Variants in CWF19L2 observed in about 807,000 individuals in gnomAD.
CWF19L2 encodes the protein CWF19-like protein 2.
A neutral mutation model predicts 111.7 loss-of-function variants in CWF19L2; 98 were observed. The observed-to-expected ratio is 0.88, with a 90% CI of 0.75 to 1.04. CWF19L2 has a LOEUF of 1.04. CWF19L2 is among the 50% of genes least tolerant of loss of function. CWF19L2 has a pLI of 0.00. For missense variants in CWF19L2, 1,101 were observed against 1,051.4 expected (o/e 1.05, Z -0.65); for synonymous variants, 351 against 342.9 (o/e 1.02, Z -0.26).
At chr11:107,387,457 C>CAAAAAAAAAAAAA (rs200491333) in intron 12 of CWF19L2, among the ~76,000 whole-genome samples, 1 of 58,052 alleles carries the variant, frequency 1.7e-5, no homozygotes, top group African/African-American at 9.8e-5. Context: ...CAAAACAAAA[C>CAAAAAAAAAAAAA]AAAACAAAAC....
At chr11:107,362,067 G>A (rs1041929748) in intron 12 of CWF19L2, among the ~76,000 whole-genome samples, 10 of 152,226 alleles carry the variant, frequency 6.6e-5, no homozygotes, top group Non-Finnish European at 1.3e-4. Flanking sequence ...GGTGACGGAC[G>A]CACCTGGAAA....
intron 10 of CWF19L2, among the ~76,000 whole-genome samples, chr11:107,409,893 A>G (rs1253885236): frequency 2.0e-5 from 3 of 152,172 alleles, no homozygotes; most frequent in African/African-American, 7.2e-5. Flanking sequence ...GTATTTCAGT[A>G]TGTCTTGGTC....
At chr11:107,350,705 T>C (rs192610391) in intron 13 of CWF19L2, among the ~76,000 whole-genome samples, 390 of 151,850 alleles carry the variant, frequency 2.6e-3, no homozygotes, top group Middle Eastern at 6.8e-3. Flanking sequence ...TAAAGTAAAA[T>C]GCACAATATG....
intron 14 of CWF19L2, among the ~76,000 whole-genome samples, chr11:107,338,417 A>ACTTTAAGTTCTAGGATACATGTG (rs1859958760): frequency 6.6e-6 from 1 of 151,508 alleles, no homozygotes; most frequent in African/African-American, 2.4e-5. Flanking sequence ...TTCAACTGTT[A>ACTTTAAGTTCTAGGATACATGTG]CTTTAAGTTC....
In CWF19L2 at chr11:107,455,825, G is replaced by A. The variant is rs914960623; in HGVS notation, c.106-49C>T. On this transcript the variant is annotated intron_variant, in intron 1 of 17. Transcript: ENST00000282251. ...ACAAACTGGCAATTGACCCAACTGG[G>A]TTTCACAAAAAAAGGAAAACAAAAA... The A allele has an allele frequency of 1.7e-5, 20 of 1,169,030 alleles. No individual in the cohort carries two copies. The East Asian group carries it at 4.4e-4, about 26-fold the overall frequency. The allele number at this position is 1,169,030 out of a possible 1,614,324, so 72.4% of individuals were successfully genotyped here.
chr11:107,361,604 T>A (rs1389442272), intron 12 of CWF19L2, among the ~76,000 whole-genome samples: 1 of 152,244 alleles, frequency 6.6e-6, no homozygotes, highest in East Asian at 1.9e-4. Context: ...TTCTGGTCCA[T>A]GAGAATGGGA....
At chr11:107,452,285 CTT>C (rs914178739) in intron 3 of CWF19L2, among the ~76,000 whole-genome samples, 2 of 151,390 alleles carry the variant, frequency 1.3e-5, no homozygotes, top group Non-Finnish European at 3.0e-5. Context: ...TCACTTTTTT[CTT>C]TTTTTTCTGA....
intron 6 of CWF19L2, 55 bp downstream of exon 6, chr11:107,439,035 G>GATA: frequency 6.9e-6 from 2 of 288,602 alleles, no homozygotes; most frequent in Non-Finnish European, 1.1e-5. Context: ...ACTCTGTCTC[G>GATA]AAAAAAAAAA....
chr11:107,335,041 A>C (rs1018057525), intron 15 of CWF19L2, 80 bp from the exon 16 acceptor site: 13 of 838,894 alleles, frequency 1.5e-5, no homozygotes, highest in Non-Finnish European at 2.6e-5. Context: ...GTAATATAGC[A>C]AATTAATTAT....
At chr11:107,378,204 T>C (rs919282714) in intron 12 of CWF19L2, among the ~76,000 whole-genome samples, 46 of 149,748 alleles carry the variant, frequency 3.1e-4, no homozygotes, top group African/African-American at 1.1e-3. Flanking sequence ...TGGAAGTCAG[T>C]GTGGCGATTC....
At chr11:107,406,684 C>CT (rs548040686) in intron 10 of CWF19L2, among the ~76,000 whole-genome samples, 4,339 of 140,532 alleles carry the variant, frequency 0.031, 100 homozygotes, top group African/African-American at 0.07. Context: ...TTGTGTTTTC[C>CT]TTTTTTTTTT....
At chr11:107,426,301 AACTAC>A (rs1181255683) in intron 8 of CWF19L2, among the ~76,000 whole-genome samples, 1 of 151,902 alleles carries the variant, frequency 6.6e-6, no homozygotes, top group Non-Finnish European at 1.5e-5. Context: ...TCTGTTTCTC[AACTAC>A]ACATATGGCA....
intron 10 of CWF19L2, among the ~76,000 whole-genome samples, chr11:107,398,127 G>A (rs757159962): frequency 3.3e-5 from 5 of 152,028 alleles, no homozygotes; most frequent in South Asian, 2.1e-4. Context: ...GCTCTTCAAC[G>A]CCTCCCAAAA....
Position 107,334,955 on chromosome 11 carries a change from T to C in CWF19L2, c.2365A>G (p.Ile789Val), listed in dbSNP as rs373008600. Reference sequence around the variant, plus strand: ...GACCACTCTTCATCAGATTCCATTATGGCTTTCTAAGAAATATCCATTTGT... The same window carrying C: ...GACCACTCTTCATCAGATTCCATTACGGCTTTCTAAGAAATATCCATTTGT... ...DMAPIYFKKA[I>V]MESDEEWSMN... The change falls in exon 16 of 18, where the codon ATA becomes GTA. Residue 789 changes from isoleucine to valine, a missense_variant. Transcript: ENST00000282251. 8.1e-6 allele frequency: 13 copies of C among 1,595,162 alleles called. No homozygotes were observed. The highest frequency in any genetic ancestry group is 1.7e-4 in the Middle Eastern group (1 of 5,948).
At chr11:107,402,574 A>G (rs979052110) in intron 10 of CWF19L2, among the ~76,000 whole-genome samples, 1 of 151,994 alleles carries the variant, frequency 6.6e-6, no homozygotes, top group Non-Finnish European at 1.5e-5. Context: ...AAAAAATCGA[A>G]AAACAGTAGA....
intron 17 of CWF19L2, among the ~76,000 whole-genome samples, chr11:107,327,870 G>A (rs142637506): frequency 6.6e-6 from 1 of 152,168 alleles, no homozygotes; most frequent in Non-Finnish European, 1.5e-5. Context: ...CTGCATAGTC[G>A]GTCTAGCTCC....
chr11:107,335,084 G>T, intron 15 of CWF19L2, 123 bp from the exon 16 acceptor site: 1 of 617,864 alleles, frequency 1.6e-6, no homozygotes, highest in South Asian at 2.2e-5. Flanking sequence ...CCATTATTCT[G>T]AACTGATTAA....
chr11:107,440,715 G>A (rs768832606), intron 5 of CWF19L2, among the ~76,000 whole-genome samples: 31 of 152,034 alleles, frequency 2.0e-4, no homozygotes, highest in South Asian at 4.1e-4. Context: ...CTATAAATCA[G>A]TTAGAAAAAG....
At chr11:107,343,131 T>C (rs533592434) in intron 14 of CWF19L2, among the ~76,000 whole-genome samples, 1 of 152,364 alleles carries the variant, frequency 6.6e-6, no homozygotes, top group Non-Finnish European at 1.5e-5. Flanking sequence ...AATAGGAAAC[T>C]AGTGCAATGG....
Sources: gnomAD v4.1 joint callset for allele counts (sites outside exome capture counted in the v4.1 genomes callset) on GRCh38, gnomAD v4.1.1 for gene constraint, MANE v1.5 for transcripts, NCBI Gene and HGNC (gene_info 2026-07-23, HGNC 2026-07-21) for gene names.